TMED10: variants seen among roughly 807,000 people sequenced by gnomAD.
TMED10 encodes transmembrane p24 trafficking protein 10.
A neutral mutation model predicts 23.1 loss-of-function variants in TMED10; 7 were observed. The observed-to-expected ratio is 0.30, with a 90% CI of 0.17 to 0.57. The LOEUF (loss-of-function observed/expected upper bound fraction) is 0.57. Among genes scored for constraint, TMED10 ranks in the 20% least tolerant of loss-of-function variants. TMED10 has a pLI of 0.91. For missense variants in TMED10, 162 were observed against 274.8 expected, an observed-to-expected ratio of 0.59 and a Z score of 2.90; for synonymous variants, 113 against 106.9, an observed-to-expected ratio of 1.06 and a Z score of -0.35.
At chr14:75,165,239 C>CT (rs200928514) in intron 1 of TMED10, among the ~76,000 whole-genome samples, 7 of 151,100 alleles carry the variant, frequency 4.6e-5, no homozygotes, top group Admixed American at 6.6e-5. Flanking sequence ...TTCTTTCTTT[C>CT]TTTTTTTTTA....
chr14:75,146,912 T>TAGAC (rs1895889506), intron 3 of TMED10, among the ~76,000 whole-genome samples: 3 of 143,218 alleles, frequency 2.1e-5, no homozygotes, highest in African/African-American at 5.4e-5. Context: ...ATGCCCCAGA[T>TAGAC]AGATAGATAG....
At chr14:75,147,845 G>A (rs1248009659) in intron 2 of TMED10, 108 bp from the exon 3 acceptor site, 7 of 992,168 alleles carry the variant, frequency 7.1e-6, no homozygotes, top group African/African-American at 6.5e-5. Flanking sequence ...TCTCAATAGA[G>A]GGAAACAGCC....
intron 3 of TMED10, among the ~76,000 whole-genome samples, chr14:75,144,701 A>C (rs1007949874): frequency 1.3e-5 from 2 of 152,248 alleles, no homozygotes; most frequent in African/African-American, 4.8e-5. Context: ...AAAGATTCCA[A>C]ATCCTCTGGA....
chr14:75,163,552 CAAAAAAAAA>C (rs758185921), intron 1 of TMED10, among the ~76,000 whole-genome samples: 2 of 60,758 alleles, frequency 3.3e-5, no homozygotes, highest in African/African-American at 6.2e-5. Context: ...GACTCCGTAT[CAAAAAAAAA>C]AAAAAAAAAA....
At chr14:75,166,561 T>C (rs1896165514) in intron 1 of TMED10, among the ~76,000 whole-genome samples, 1 of 152,202 alleles carries the variant, frequency 6.6e-6, no homozygotes, top group Non-Finnish European at 1.5e-5. Flanking sequence ...CCCCCTTCTC[T>C]AGATCAGTTC....
intron 1 of TMED10, among the ~76,000 whole-genome samples, chr14:75,160,758 TA>T (rs1896076117): frequency 6.6e-6 from 1 of 152,018 alleles, no homozygotes; most frequent in South Asian, 2.1e-4. Flanking sequence ...ACTTAAAAAG[TA>T]GGGGGGATGG....
At chr14:75,146,352 G>A (rs543063128) in intron 3 of TMED10, among the ~76,000 whole-genome samples, 1 of 152,284 alleles carries the variant, frequency 6.6e-6, no homozygotes, top group East Asian at 1.9e-4. Context: ...CTTCCAAAGT[G>A]CTGTCCAAAG....
intron 1 of TMED10, among the ~76,000 whole-genome samples, chr14:75,161,951 G>A (rs1896090174): frequency 6.6e-6 from 1 of 151,432 alleles, no homozygotes; most frequent in African/African-American, 2.4e-5. Context: ...GGAAGGAAAT[G>A]TACAAAATGA....
intron 1 of TMED10, among the ~76,000 whole-genome samples, chr14:75,152,502 T>C (rs1027920293): frequency 2.0e-5 from 3 of 152,154 alleles, no homozygotes; most frequent in African/African-American, 4.8e-5. Context: ...AAAATGAAAG[T>C]AGACAATTAT....
intron 1 of TMED10, among the ~76,000 whole-genome samples, chr14:75,154,861 C>T (rs1386162484): frequency 6.6e-6 from 1 of 151,354 alleles, no homozygotes; most frequent in African/African-American, 2.4e-5. Flanking sequence ...GACGGGGTTT[C>T]ACCGTGTTAG....
intron 3 of TMED10, 112 bp from the exon 4 acceptor site, chr14:75,135,998 C>T (rs1156459469): frequency 2.8e-6 from 4 of 1,429,984 alleles, no homozygotes; most frequent in Admixed American, 2.4e-5. Context: ...AAATTCTCTC[C>T]TATCAATCAT....
At chr14:75,146,871 C>G (rs149925220) in intron 3 of TMED10, among the ~76,000 whole-genome samples, 1 of 151,930 alleles carries the variant, frequency 6.6e-6, no homozygotes, top group East Asian at 1.9e-4. Flanking sequence ...AAACACAAAA[C>G]AGTTGTTCAA....
intron 2 of TMED10, among the ~76,000 whole-genome samples, chr14:75,148,229 T>G (rs1428951347): frequency 6.6e-6 from 1 of 152,178 alleles, no homozygotes; most frequent in Non-Finnish European, 1.5e-5. Context: ...ATTGGATATG[T>G]GCTAAGCTTG....
chr14:75,172,829 T>C (rs1452699581), intron 1 of TMED10, among the ~76,000 whole-genome samples: 1 of 152,212 alleles, frequency 6.6e-6, no homozygotes, highest in Non-Finnish European at 1.5e-5. Context: ...GTGAACTCAC[T>C]ATACTATTCC....
chr14:75,166,007 AG>A (rs1896156908), intron 1 of TMED10, among the ~76,000 whole-genome samples: 1 of 151,478 alleles, frequency 6.6e-6, no homozygotes, highest in Admixed American at 6.6e-5. Flanking sequence ...AGAAAAGGGG[AG>A]AAAGAGAGGG....
At chr14:75,142,570 G>A (rs1420373375) in intron 3 of TMED10, among the ~76,000 whole-genome samples, 1 of 152,118 alleles carries the variant, frequency 6.6e-6, no homozygotes, top group Non-Finnish European at 1.5e-5. Flanking sequence ...AACACATACT[G>A]TGTCACACAG....
chr14:75,163,440 C>A (rs889866291), intron 1 of TMED10, among the ~76,000 whole-genome samples: 7 of 151,032 alleles, frequency 4.6e-5, no homozygotes, highest in African/African-American at 1.7e-4. Context: ...GTAGTCCCAG[C>A]TACTCAGGCA....
chr14:75,162,017 AGGTCCGGGGCGG>A (rs1896091229), intron 1 of TMED10, among the ~76,000 whole-genome samples: 1 of 146,862 alleles, frequency 6.8e-6, no homozygotes, highest in South Asian at 2.2e-4. Flanking sequence ...CAAAAACCAG[AGGTCCGGGGCGG>A]GGTGGGGGGC....
At chr14:75,145,255 T>G (rs1022532254) in intron 3 of TMED10, among the ~76,000 whole-genome samples, 1 of 152,154 alleles carries the variant, frequency 6.6e-6, no homozygotes, top group East Asian at 1.9e-4. Flanking sequence ...GTGGTTTTCT[T>G]TGGGCTAGGG....
Sources: allele counts gnomAD v4.1 joint callset (sites outside exome capture counted in the v4.1 genomes callset), GRCh38; gene constraint gnomAD v4.1.1; transcripts MANE v1.5; gene names NCBI Gene and HGNC (gene_info 2026-07-23, HGNC 2026-07-21).